CFAP221: variants seen among roughly 807,000 people sequenced by gnomAD.
CFAP221 encodes cilia and flagella associated protein 221, also known as cilia- and flagella-associated protein 221.
CFAP221 carries 97 observed loss-of-function variants against 113.1 expected under a neutral mutation model. The observed-to-expected ratio is 0.86, with a 90% confidence interval of 0.73 to 1.02. The LOEUF (loss-of-function observed/expected upper bound fraction) is 1.02. CFAP221 is among the 50% of genes least tolerant of loss of function. The pLI is 0.00. For missense variants in CFAP221, 1,025 were observed against 1,013.4 expected, an observed-to-expected ratio of 1.01 and a Z score of -0.16; for synonymous variants, 331 against 354.4, an observed-to-expected ratio of 0.93 and a Z score of 0.74.
At chr2:119,592,429 A>G (rs1683661192) in intron 7 of CFAP221, among the ~76,000 whole-genome samples, 1 of 152,224 alleles carries the variant, frequency 6.6e-6, no homozygotes, top group Non-Finnish European at 1.5e-5. Flanking sequence ...GGGAAACAGC[A>G]TGCATGTACT....
Position 119,585,148 on chromosome 2 carries a change from C to T in CFAP221, c.528-1971C>T, listed in dbSNP as rs1159788081. Among the ~76,000 whole-genome samples the T allele has an allele frequency of 2.6e-5, 4 of 152,208 alleles. No individual in the cohort carries two copies. The East Asian group carries it at 7.7e-4, about 29-fold the overall frequency. ...TTTACATATATCCATGGATAAATCT[C>T]AAAAACATAGTTTGAGCAAAAATAG... On this transcript the variant is annotated intron_variant, in intron 6 of 23. Transcript: ENST00000413369.
intron 22 of CFAP221, chr2:119,648,504 C>G (rs922780503): frequency 3.8e-6 from 1 of 260,776 alleles, no homozygotes; most frequent in African/African-American, 2.3e-5. Context: ...CAAAGAAGGC[C>G]ACCAGCCCTG....
intron 22 of CFAP221, chr2:119,648,569 AC>A (rs1687948388): frequency 5.5e-6 from 1 of 183,102 alleles, no homozygotes; most frequent in Non-Finnish European, 1.3e-5. Context: ...GTTCCTCCCT[AC>A]CCGCTATTTC....
intron 6 of CFAP221, among the ~76,000 whole-genome samples, chr2:119,568,848 C>T (rs1278364394): frequency 6.6e-6 from 1 of 152,134 alleles, no homozygotes; most frequent in Admixed American, 6.5e-5. Flanking sequence ...TATTAATTTT[C>T]TCTAAAGAAC....
At chr2:119,545,934 T>C (rs2104997183) in intron 1 of CFAP221, among the ~76,000 whole-genome samples, 151 bp from the exon 2 acceptor site, 1 of 152,176 alleles carries the variant, frequency 6.6e-6, no homozygotes, top group Middle Eastern at 3.4e-3. Context: ...GGGACAGCCA[T>C]GTGTGGGAAT....
intron 7 of CFAP221, among the ~76,000 whole-genome samples, chr2:119,595,556 G>A (rs1236596646): frequency 6.6e-6 from 1 of 152,016 alleles, no homozygotes; most frequent in Non-Finnish European, 1.5e-5. Context: ...CCTCCCTGTG[G>A]TCTTACATAC....
chr2:119,566,262 G>A (rs1256722065), intron 6 of CFAP221, among the ~76,000 whole-genome samples: 1 of 152,184 alleles, frequency 6.6e-6, no homozygotes, highest in Non-Finnish European at 1.5e-5. Context: ...AAATATTAAA[G>A]CAATCAACTC....
In CFAP221 at chr2:119,656,450, A is replaced by T; in HGVS notation, c.2503A>T (p.Thr835Ser). ...GAACCTGCGGGGCAAAGCACTCAAC[A>T]CATACCTGATTCTAGAATGAAAGTC... is the stretch of plus-strand genomic sequence containing the variant. ...MRNLRGKALN[T>S]YLILE is the part of the protein sequence containing the mutation. Residue 835 changes from threonine to serine, a missense_variant, in exon 24 of 24, where the codon ACA becomes TCA. Physicochemically the swap from Thr to Ser is moderately conservative, Grantham distance 58. Coordinates refer to ENST00000413369, the MANE Select transcript of CFAP221 (RefSeq NM_001271049.2). The T allele has an allele frequency of 6.2e-7, 1 of 1,613,756 alleles. No individual in the cohort carries two copies. The highest frequency in any genetic ancestry group is 8.5e-7 in the Non-Finnish European group (1 of 1,179,722).
downstream of CFAP221, among the ~76,000 whole-genome samples, chr2:119,659,997 T>C (rs923739198): frequency 6.6e-6 from 1 of 152,224 alleles, no homozygotes; most frequent in African/African-American, 2.4e-5. Context: ...CCTGGCTACT[T>C]CCACCTACCC....
At chr2:119,600,366 T>C (rs550051912) in intron 7 of CFAP221, among the ~76,000 whole-genome samples, 27 of 152,338 alleles carry the variant, frequency 1.8e-4, no homozygotes, top group Non-Finnish European at 3.4e-4. Context: ...AACTGAATTA[T>C]TTGAACACAA....
intron 23 of CFAP221, 168 bp from the exon 24 acceptor site, chr2:119,656,194 G>A (rs1222110421): frequency 3.4e-6 from 2 of 589,974 alleles, no homozygotes; most frequent in East Asian, 2.9e-5. Context: ...TCATTCATAA[G>A]CTGAGTGTTT....
rs995708644 is a variant in CFAP221, at chr2:119,605,768, A to AT, written c.1133+489dup. Among the ~76,000 whole-genome samples, 80 of 150,006 alleles carry AT rather than the reference A, an allele frequency of 5.3e-4. 1 individual carries two copies. Among genetic ancestry groups the AT allele is most frequent in the African/African-American group, 9.5e-4 (39 of 40,954 alleles). ...TGCCCAAATTAGAAACTTTTTCACA[A>AT]TTTTTTTTTTACCAGATCAGACCAA... On this transcript the variant is annotated intron_variant, in intron 11 of 23. Coordinates refer to ENST00000413369, the MANE Select transcript of CFAP221 (RefSeq NM_001271049.2).
chr2:119,580,701 A>C (rs577294793), intron 6 of CFAP221: 10 of 152,362 alleles, frequency 6.6e-5, no homozygotes, highest in Admixed American at 3.3e-4. Context: ...CAAGCTGAAC[A>C]ACTCCACAGA....
chr2:119,637,655 A>G (rs570092263), intron 19 of CFAP221, among the ~76,000 whole-genome samples: 1 of 152,286 alleles, frequency 6.6e-6, no homozygotes, highest in South Asian at 2.1e-4. Flanking sequence ...ATATTTTAGT[A>G]TTTTGATATA....
In CFAP221 at chr2:119,638,248, G is replaced by A. The variant is rs1193763042; in HGVS notation, c.1975-11G>A. On this transcript the variant is annotated splice_polypyrimidine_tract_variant and intron_variant, in intron 19 of 23. Transcript: ENST00000413369. ...AAACAGAAAAGAATATTTTTTCCCT[G>A]TCTTCGGCAGAATCCCAACCCAGGA... 1.2e-6 allele frequency: 2 copies of A among 1,613,366 alleles called. No homozygotes were observed. Among genetic ancestry groups the A allele is most frequent in the Middle Eastern group, 1.6e-4 (1 of 6,078 alleles).
At chr2:119,619,482 C>T (rs967510012) in intron 14 of CFAP221, among the ~76,000 whole-genome samples, 5 of 152,172 alleles carry the variant, frequency 3.3e-5, no homozygotes, top group Non-Finnish European at 5.9e-5. Context: ...TCCAGCAGAC[C>T]TGCAGCAGAG....
intron 3 of CFAP221, among the ~76,000 whole-genome samples, chr2:119,551,447 G>A (rs1680419882): frequency 6.6e-6 from 1 of 152,140 alleles, no homozygotes. Context: ...TAATTTTTAT[G>A]TATTATGTGA....
chr2:119,583,153 A>G (rs1461785548), intron 6 of CFAP221, among the ~76,000 whole-genome samples: 2 of 152,290 alleles, frequency 1.3e-5, no homozygotes, highest in East Asian at 3.9e-4. Context: ...AAGAAAACTC[A>G]TTAATTGGGA....
chr2:119,618,621 A>G (rs1305868630), intron 14 of CFAP221, among the ~76,000 whole-genome samples: 1 of 152,108 alleles, frequency 6.6e-6, no homozygotes, highest in East Asian at 1.9e-4. Flanking sequence ...GGGTGCCTAC[A>G]CCACCAGAGC....
Sources: gnomAD v4.1 joint callset for allele counts (sites outside exome capture counted in the v4.1 genomes callset) on GRCh38, gnomAD v4.1.1 for gene constraint, MANE v1.5 for transcripts, NCBI Gene and HGNC (gene_info 2026-07-23, HGNC 2026-07-21) for gene names.